KCNG1: variants seen among roughly 807,000 people sequenced by gnomAD.
KCNG1 encodes voltage-gated potassium channel regulatory subunit KCNG1.
A neutral mutation model predicts 32.4 loss-of-function variants in KCNG1; 17 were observed. The observed-to-expected ratio is 0.52, with a 90% CI of 0.36 to 0.79. KCNG1 has a LOEUF of 0.79. Ranked by LOEUF, KCNG1 falls within the 30% of genes least tolerant of loss-of-function variation. KCNG1 has a pLI of 0.00. For synonymous variants in KCNG1, 358 were observed against 339.9 expected (o/e 1.05, Z -0.59); for missense variants, 441 against 735.2 (o/e 0.60, Z 4.63).
rs1027724250 is a variant in KCNG1 at position 51,005,725 on chromosome 20, G to A, written c.775-919C>T. On this transcript the variant is annotated intron_variant, in intron 2 of 2. Transcript: ENST00000371571. The surrounding 1 kb of genome is among the most constrained non-coding windows in gnomAD (Gnocchi z 4.0). The stretch of plus-strand genomic sequence containing the variant: ...CTCTGGTCTGGAATATAATTGGGTG[G>A]TAAACAGTCCTTTAGTGGATTTGGG... The A allele has an allele frequency of 1.3e-5, 2 of 152,338 alleles. No homozygotes were observed. Among genetic ancestry groups the A allele is most frequent in the Admixed American group, 6.5e-5 (1 of 15,302 alleles). The allele number at this position is 152,338 out of a possible 1,614,324, so 9.4% of individuals were successfully genotyped here.
At chr20:51,016,406 C>T (rs1231495883) in intron 1 of KCNG1, among the ~76,000 whole-genome samples, 1 of 151,954 alleles carries the variant, frequency 6.6e-6, no homozygotes, top group Non-Finnish European at 1.5e-5. Flanking sequence ...CATTGCACTC[C>T]AGCCTGGGCG....
intron 1 of KCNG1, among the ~76,000 whole-genome samples, chr20:51,016,763 T>A (rs1401506863): frequency 6.6e-6 from 1 of 152,182 alleles, no homozygotes; most frequent in Non-Finnish European, 1.5e-5. Context: ...GCCTTGGAAT[T>A]CTCACAAGCT....
At chr20:51,016,510 C>G (rs1988285974) in intron 1 of KCNG1, among the ~76,000 whole-genome samples, 1 of 152,090 alleles carries the variant, frequency 6.6e-6, no homozygotes, top group African/African-American at 2.4e-5. Flanking sequence ...GACAATGTGC[C>G]AACCACCCTA....
rs1463168255 is a variant in KCNG1 at position 51,009,456 on chromosome 20, A to T, written c.774+109T>A. 35 of 1,242,716 alleles carry T rather than the reference A, an allele frequency of 2.8e-5. No individual in the cohort carries two copies. In the South Asian group the frequency reaches 4.9e-4, roughly 17 times the overall value. 77.0% of individuals were successfully genotyped at this position (1,242,716 alleles called of 1,614,324 possible). A position where few individuals can be genotyped will look rare whatever the true frequency, so the allele number is the denominator to read the frequency against. On this transcript the variant is annotated intron_variant, in intron 2 of 2. Transcript: ENST00000371571. ...TTCCTGATGTCAGGAGGGACCAGGG[A>T]TGCTATTCAGCCAGTGTGCAATCAG...
intron 2 of KCNG1, among the ~76,000 whole-genome samples, chr20:51,009,310 C>T (rs1987960827): frequency 6.6e-6 from 1 of 152,218 alleles, no homozygotes; most frequent in Non-Finnish European, 1.5e-5. Context: ...GTGCTGGACA[C>T]TGTTCTAAAC....
In KCNG1 at chr20:51,005,951, C is replaced by T. The variant is rs1987809752; in HGVS notation, c.775-1145G>A. 1.3e-5 allele frequency: 2 copies of T among 152,156 alleles called. No individual in the cohort carries two copies. Among genetic ancestry groups the T allele is most frequent in the African/African-American group, 4.8e-5 (2 of 41,394 alleles). The allele number at this position is 152,156 out of a possible 1,614,324, so 9.4% of individuals were successfully genotyped here. A position where few individuals can be genotyped will look rare whatever the true frequency, so the allele number is the denominator to read the frequency against. ...CTTAGACCTCTGGGATGGGAAGCCC[C>T]TTCCTCTGGGAAGCTTTCCTGGAGC... On this transcript the variant is annotated intron_variant, in intron 2 of 2. Transcript: ENST00000371571. The surrounding 1 kb of genome is among the most constrained non-coding windows in gnomAD (Gnocchi z 4.0).
rs776508550 is a variant in KCNG1, at chr20:51,009,576, C to A, written c.763G>T (p.Glu255Ter). ...SVSTLPSLREEEEQGHCSQMC... is the reference protein window; with the variant it reads ...SVSTLPSLRE ...GCGTGGGCTCTTACCTGCTCCTCCT[C>A]CTCCCTCAGGCTGGGCAAGGTGCTG... Residue 255 changes from glutamate to a stop codon, truncating the protein, a stop_gained, in exon 2 of 3, where the codon GAG (glutamate) becomes TAG (stop). Transcript: ENST00000371571. LOFTEE classifies it high-confidence loss of function. 1 of 1,604,370 alleles carries A rather than the reference C, an allele frequency of 6.2e-7. No individual in the cohort carries two copies. The highest frequency in any genetic ancestry group is 8.5e-7 in the Non-Finnish European group (1 of 1,176,562).
chr20:51,012,573 G>A (rs926528338), intron 1 of KCNG1, among the ~76,000 whole-genome samples: 9 of 152,144 alleles, frequency 5.9e-5, no homozygotes, highest in African/African-American at 1.9e-4. Context: ...CAACTTGCAT[G>A]GACTCCTTCC....
chr20:51,008,626 C>A (rs1258628570), intron 2 of KCNG1, among the ~76,000 whole-genome samples: 3 of 143,964 alleles, frequency 2.1e-5, no homozygotes, highest in Admixed American at 7.2e-5. Flanking sequence ...AGCCACCACA[C>A]CTGGCCTGAT....
chr20:51,004,541 G>A lies in KCNG1; in HGVS notation c.1040C>T (p.Ala347Val). 1 of 1,585,652 alleles carries A rather than the reference G, an allele frequency of 6.3e-7. No homozygotes were observed. Among genetic ancestry groups the A allele is most frequent in the Non-Finnish European group, 8.6e-7 (1 of 1,167,074 alleles). Reference protein sequence around the residue: ...KVGLVLRVLRALRILYVMRLA... With the variant: ...KVGLVLRVLRVLRILYVMRLA... The stretch of plus-strand genomic sequence containing the variant: ...GCGCATCACGTACAGGATGCGCAGC[G>A]CCCGCAGCACGCGCAGCACCAGCCC... The change falls in exon 3 of 3, where the codon GCG becomes GTG. Residue 347 changes from alanine to valine, a missense_variant. Ala to Val is a moderately conservative substitution (Grantham distance 64). This residue lies in a region of KCNG1 where 169 missense variants were observed against 297.7 expected (regional missense o/e 0.57). Transcript: ENST00000371571. This position sits in a 1 kb window ranked among gnomAD's most constrained non-coding sequence, Gnocchi z 4.3.
rs1481347895 is a variant in KCNG1 at position 51,015,964 on chromosome 20, G to C, written c.-26-5600C>G. Among the ~76,000 whole-genome samples the C allele has an allele frequency of 1.3e-5, 2 of 152,182 alleles. No homozygotes were observed. The highest frequency in any genetic ancestry group is 4.8e-5 in the African/African-American group (2 of 41,444). ...CAAGGAATGCAGGTGGCCTCCAAAG[G>C]CTGGAGGCCAGGAAATGAGCTCCCT... On this transcript the variant is annotated intron_variant, in intron 1 of 2. Coordinates refer to ENST00000371571, the MANE Select transcript of KCNG1 (RefSeq NM_002237.4). This position sits in a 1 kb window ranked among gnomAD's most constrained non-coding sequence, Gnocchi z 4.4.
In KCNG1 at chr20:51,004,997, C is replaced by T. The variant is rs1987772584; in HGVS notation, c.775-191G>A. The stretch of plus-strand genomic sequence containing the variant: ...CACTAAGCACCATCTCTACACTGGC[C>T]GCTCCTCATCTCTCTCTCCAGCCCC... On this transcript the variant is annotated intron_variant, in intron 2 of 2. Transcript: ENST00000371571. This position sits in a 1 kb window ranked among gnomAD's most constrained non-coding sequence, Gnocchi z 4.3. 1.9e-6 allele frequency: 1 copy of T among 523,736 alleles called. No individual in the cohort carries two copies. Among genetic ancestry groups the T allele is most frequent in the Non-Finnish European group, 3.3e-6 (1 of 304,566 alleles). 32.4% of individuals were successfully genotyped at this position (523,736 alleles called of 1,614,324 possible).
intron 1 of KCNG1, among the ~76,000 whole-genome samples, chr20:51,021,098 G>A (rs1175615107): frequency 1.3e-5 from 2 of 152,364 alleles, no homozygotes; most frequent in East Asian, 3.9e-4. Flanking sequence ...AACCCAGGCT[G>A]TAGGCTGCGG....
intron 1 of KCNG1, among the ~76,000 whole-genome samples, chr20:51,019,539 T>G (rs1988396855): frequency 6.6e-6 from 1 of 151,938 alleles, no homozygotes; most frequent in African/African-American, 2.4e-5. Flanking sequence ...AATAATAAAT[T>G]TATATTGCTT....
chr20:51,022,664 A>G (rs12373879), intron 1 of KCNG1: 24,343 of 152,204 alleles, frequency 0.16, 2,790 homozygotes, highest in African/African-American at 0.33. Context: ...CTTGGCCGTA[A>G]CAAGCGCGCT....
At chr20:51,014,066 A>G (rs370944046) in intron 1 of KCNG1, 6 of 152,060 alleles carry the variant, frequency 3.9e-5, no homozygotes, top group African/African-American at 1.4e-4. Flanking sequence ...CCCTGCCCCC[A>G]CGTGAGTTTC....
Position 51,015,768 on chromosome 20 carries a change from G to A in KCNG1, c.-26-5404C>T, listed in dbSNP as rs546976701. 2.0e-5 allele frequency among the ~76,000 whole-genome samples: 3 copies of A among 152,368 alleles called. No individual in the cohort carries two copies. Among genetic ancestry groups the A allele is most frequent in the African/African-American group, 7.2e-5 (3 of 41,586 alleles). On this transcript the variant is annotated intron_variant, in intron 1 of 2. Transcript: ENST00000371571. This position sits in a 1 kb window ranked among gnomAD's most constrained non-coding sequence, Gnocchi z 4.4. Reference sequence around the variant, plus strand: ...TACAGGTGGAATTAAGGCTGCTACAGCTGATCTGAGATGGGAAATTATCTT... The same window carrying A: ...TACAGGTGGAATTAAGGCTGCTACAACTGATCTGAGATGGGAAATTATCTT...
intron 2 of KCNG1, among the ~76,000 whole-genome samples, chr20:51,008,868 G>C (rs879622972): frequency 2.0e-5 from 3 of 152,078 alleles, no homozygotes; most frequent in Admixed American, 6.5e-5. Context: ...ATACCTAGTG[G>C]GTGTGAAAAC....
At chr20:51,010,932 AAAAAAG>A (rs1568800944) in intron 1 of KCNG1, among the ~76,000 whole-genome samples, 14 of 151,898 alleles carry the variant, frequency 9.2e-5, no homozygotes, top group Non-Finnish European at 1.8e-4. Flanking sequence ...CAAAACAAAA[AAAAAAG>A]AAGAAGAGGA....
Sources: allele counts gnomAD v4.1 joint callset (sites outside exome capture counted in the v4.1 genomes callset), GRCh38; gene constraint gnomAD v4.1.1; regional missense constraint gnomAD v4.1.1; non-coding constraint Gnocchi (gnomAD v3.1); transcripts MANE v1.5; gene names NCBI Gene and HGNC (gene_info 2026-07-23, HGNC 2026-07-21).